NUDCD1: variants seen among roughly 807,000 people sequenced by gnomAD.
The protein encoded by NUDCD1 is nudC domain-containing protein 1.
Under a neutral mutation model 67.8 loss-of-function variants are expected in NUDCD1, and 60 were observed. The ratio of observed to expected loss-of-function variants is 0.88; its 90% CI spans 0.72 to 1.10. The LOEUF (loss-of-function observed/expected upper bound fraction) is 1.10. Ranked by LOEUF, NUDCD1 falls within the 50% of genes least tolerant of loss-of-function variation. The pLI, the probability that NUDCD1 is intolerant of heterozygous loss-of-function variation, is 0.00. For missense variants in NUDCD1, 643 were observed against 695.0 expected, an observed-to-expected ratio of 0.93 and a Z score of 0.84; for synonymous variants, 244 against 230.8, an observed-to-expected ratio of 1.06 and a Z score of -0.52.
chr8:109,317,189 C>G (rs1180130074), intron 2 of NUDCD1, among the ~76,000 whole-genome samples: 1 of 152,164 alleles, frequency 6.6e-6, no homozygotes, highest in African/African-American at 2.4e-5. Flanking sequence ...GCACAAAAAA[C>G]TGAACAGGTG....
At chr8:109,293,564 TTACA>T in intron 3 of NUDCD1, 40 bp from the exon 4 acceptor site, 1 of 1,136,676 alleles carries the variant, frequency 8.8e-7, no homozygotes, top group Admixed American at 2.6e-5. Flanking sequence ...GTGTACATAA[TTACA>T]TGAACACAGA....
chr8:109,309,873 AAAAC>A (rs1389900954), intron 2 of NUDCD1, among the ~76,000 whole-genome samples: 133 of 142,280 alleles, frequency 9.3e-4, no homozygotes, highest in Non-Finnish European at 1.5e-3. Context: ...TGCCAAAAAA[AAAAC>A]AAAACAAACA....
intron 3 of NUDCD1, among the ~76,000 whole-genome samples, chr8:109,295,907 A>G (rs1814831436): frequency 6.6e-6 from 1 of 152,182 alleles, no homozygotes; most frequent in African/African-American, 2.4e-5. Flanking sequence ...AAATTAAAGT[A>G]AAAATGTTGT....
At chr8:109,319,027 GGCTCACTGCAAGCTCT>G (rs1231912256) in intron 2 of NUDCD1, among the ~76,000 whole-genome samples, 8 of 147,216 alleles carry the variant, frequency 5.4e-5, no homozygotes, top group African/African-American at 1.3e-4. Context: ...GTGCGATCTT[GGCTCACTGCAAGCTCT>G]GCTCACTGCA....
At chr8:109,277,730 A>G (rs1387352348) in intron 6 of NUDCD1, among the ~76,000 whole-genome samples, 1 of 152,218 alleles carries the variant, frequency 6.6e-6, no homozygotes, top group Non-Finnish European at 1.5e-5. Flanking sequence ...AACTACTTAC[A>G]TGAAGTCAAG....
At chr8:109,309,360 CACATG>C (rs1174301497) in intron 2 of NUDCD1, among the ~76,000 whole-genome samples, 1 of 150,586 alleles carries the variant, frequency 6.6e-6, no homozygotes, top group Non-Finnish European at 1.5e-5. Context: ...AAACAAAAAT[CACATG>C]ATCATCTCAA....
intron 7 of NUDCD1, among the ~76,000 whole-genome samples, chr8:109,272,074 T>C (rs1372027414): frequency 6.6e-6 from 1 of 151,698 alleles, no homozygotes; most frequent in Non-Finnish European, 1.5e-5. Flanking sequence ...AAAAATAACA[T>C]CAGATGAAAA....
At chr8:109,262,533 G>C (rs1275985127) in intron 8 of NUDCD1, among the ~76,000 whole-genome samples, 1 of 152,194 alleles carries the variant, frequency 6.6e-6, no homozygotes, top group African/African-American at 2.4e-5. Context: ...CAACCAGTCA[G>C]AGCTCACCTG....
chr8:109,331,266 G>A (rs146816794), intron 1 of NUDCD1, among the ~76,000 whole-genome samples: 6,821 of 151,808 alleles, frequency 0.045, 510 homozygotes, highest in African/African-American at 0.15. Flanking sequence ...CCCGGGAGGC[G>A]GAAGTTGCAG....
chr8:109,330,329 G>C (rs994655278), intron 1 of NUDCD1, among the ~76,000 whole-genome samples: 4 of 152,124 alleles, frequency 2.6e-5, no homozygotes, highest in Non-Finnish European at 5.9e-5. Context: ...CTTGACACCA[G>C]AGACCACATC....
intron 2 of NUDCD1, among the ~76,000 whole-genome samples, chr8:109,312,298 CAAAAAAAAA>C (rs5893951): frequency 1.2e-5 from 1 of 82,608 alleles, no homozygotes; most frequent in Non-Finnish European, 2.3e-5. Flanking sequence ...GAGACACTGT[CAAAAAAAAA>C]AAAAAAAAAA....
intron 2 of NUDCD1, among the ~76,000 whole-genome samples, chr8:109,301,485 G>A (rs894290011): frequency 2.0e-5 from 3 of 152,192 alleles, no homozygotes; most frequent in Non-Finnish European, 4.4e-5. Flanking sequence ...TCTTTACACA[G>A]ATGCGCCAGA....
chr8:109,307,544 T>C (rs755328092), intron 2 of NUDCD1, among the ~76,000 whole-genome samples: 1 of 152,058 alleles, frequency 6.6e-6, no homozygotes, highest in Non-Finnish European at 1.5e-5. Flanking sequence ...GTTTAAAGCA[T>C]AAATCACACA....
chr8:109,312,266 A>T (rs139085872), intron 2 of NUDCD1, among the ~76,000 whole-genome samples: 1 of 140,432 alleles, frequency 7.1e-6, no homozygotes, highest in Non-Finnish European at 1.5e-5. Flanking sequence ...GCACCACTGC[A>T]CTCCAGCCCG....
chr8:109,243,056 G>C lies in NUDCD1; in HGVS notation c.1705C>G (p.Leu569Val), dbSNP rs781176051. The change falls in exon 10 of 10, where the codon CTT (leucine) becomes GTT (valine). Residue 569 changes from leucine (L) to valine (V), a missense_variant. Transcript: ENST00000239690. ...ATTAAAAAGAGGTTTTTGGTAGTAAGAACAAATAATCTCTCATTTGTTGCC... is the reference window on the plus strand; with the variant it reads ...ATTAAAAAGAGGTTTTTGGTAGTAACAACAAATAATCTCTCATTTGTTGCC... Reference protein sequence around the residue: ...FQATNERLFVLTTKNLFLIKV... With the variant: ...FQATNERLFVVTTKNLFLIKV... 6.2e-7 allele frequency: 1 copy of C among 1,602,878 alleles called. No homozygotes were observed. The highest frequency in any genetic ancestry group is 8.5e-7 in the Non-Finnish European group (1 of 1,170,026).
chr8:109,286,884 A>G (rs576486870), intron 5 of NUDCD1, among the ~76,000 whole-genome samples: 2 of 152,304 alleles, frequency 1.3e-5, no homozygotes, highest in East Asian at 1.9e-4. Flanking sequence ...CAGAAGTCTA[A>G]TATCAAGGCT....
chr8:109,270,218 G>A (rs114513182), intron 8 of NUDCD1, among the ~76,000 whole-genome samples: 1 of 151,620 alleles, frequency 6.6e-6, no homozygotes, highest in Non-Finnish European at 1.5e-5. Context: ...TAACTCACTT[G>A]ATATAGAAGC....
At chr8:109,298,767 T>C (rs1185983516) in intron 2 of NUDCD1, 1 of 152,170 alleles carries the variant, frequency 6.6e-6, no homozygotes, top group African/African-American at 2.4e-5. Flanking sequence ...CAGGACTAAA[T>C]TGCAGCTCCA....
chr8:109,329,670 G>C (rs1815758735), intron 1 of NUDCD1: 3 of 727,254 alleles, frequency 4.1e-6, no homozygotes, highest in Admixed American at 6.3e-5. Flanking sequence ...TTAGTATCTT[G>C]ATTGTGGTGA....
Sources: gnomAD v4.1 joint callset for allele counts (sites outside exome capture counted in the v4.1 genomes callset) on GRCh38, gnomAD v4.1.1 for gene constraint, MANE v1.5 for transcripts, NCBI Gene and HGNC (gene_info 2026-07-23, HGNC 2026-07-21) for gene names.